The following RHOBTB2 variants were observed in gnomAD, a reference collection of about 807,000 sequenced individuals.
The protein encoded by RHOBTB2 is rho-related BTB domain-containing protein 2.
In RHOBTB2, 39 loss-of-function variants were observed where a neutral mutation model predicts 66.5. The observed-to-expected ratio is 0.59, with a 90% CI of 0.45 to 0.77. The LOEUF is 0.77. Among genes scored for constraint, RHOBTB2 ranks in the 30% least tolerant of loss-of-function variants. The pLI is 0.00. For missense variants in RHOBTB2, 755 were observed against 999.1 expected, an observed-to-expected ratio of 0.76 and a Z score of 3.29; for synonymous variants, 390 against 395.0, an observed-to-expected ratio of 0.99 and a Z score of 0.15.
chr8:22,977,152 T>G, the RHOBTB2 span, among the ~76,000 whole-genome samples: 2 of 152,096 alleles, frequency 1.3e-5, no homozygotes, highest in Non-Finnish European at 2.9e-5. Flanking sequence ...TTCAGCTAAT[T>G]TAGTAATACT....
At chr8:22,974,867 A>G in the RHOBTB2 span, among the ~76,000 whole-genome samples, 479 of 152,168 alleles carry the variant, frequency 3.1e-3, 5 homozygotes, top group African/African-American at 0.011. Context: ...TGCTACACGA[A>G]CTTTAAAGAC....
chr8:23,009,734 G>T (rs558397524), intron 6 of RHOBTB2, among the ~76,000 whole-genome samples: 6 of 152,224 alleles, frequency 3.9e-5, no homozygotes, highest in Non-Finnish European at 8.8e-5. Context: ...CTTAAGGAAG[G>T]CTAAGTGGAA....
chr8:23,019,092 T>G lies in RHOBTB2; in HGVS notation c.*1623T>G, dbSNP rs1261965195. 6.6e-6 allele frequency: 1 copy of G among 152,230 alleles called. No individual in the cohort carries two copies. The highest frequency in any genetic ancestry group is 1.5e-5 in the Non-Finnish European group (1 of 68,108). The allele number at this position is 152,230 out of a possible 1,614,324, so 9.4% of individuals were successfully genotyped here. A position where few individuals can be genotyped will look rare whatever the true frequency, so the allele number is the denominator to read the frequency against. Reference sequence around the variant, plus strand: ...GAGGAGGGGCAGAGCCAGGAGGCAGTGGGGCTGTGGGCTCAGAGCTCAGGA... The same window carrying G: ...GAGGAGGGGCAGAGCCAGGAGGCAGGGGGGCTGTGGGCTCAGAGCTCAGGA... On this transcript the variant is annotated 3_prime_UTR_variant, in exon 10 of 10. Transcript: ENST00000251822.
the RHOBTB2 span, among the ~76,000 whole-genome samples, chr8:22,963,231 C>G: frequency 6.6e-6 from 1 of 152,180 alleles, no homozygotes; most frequent in Admixed American, 6.5e-5. Flanking sequence ...AGGGAGACAA[C>G]TGACTTAAGT....
chr8:23,000,012 G>T lies in RHOBTB2; in HGVS notation c.-104G>T. 1.0e-6 allele frequency: 1 copy of T among 985,626 alleles called. No homozygotes were observed. The highest frequency in any genetic ancestry group is 1.7e-5 in the African/African-American group (1 of 57,378). The allele number at this position is 985,626 out of a possible 1,614,324, so 61.1% of individuals were successfully genotyped here. A position where few individuals can be genotyped will look rare whatever the true frequency, so the allele number is the denominator to read the frequency against. The stretch of plus-strand genomic sequence containing the variant: ...GCCGGCGTCGTCCCAACTTGCAGGC[G>T]CGGAGGGACCCCTGACATTTCACTA... On this transcript the variant is annotated 5_prime_UTR_variant, in exon 1 of 10. Transcript: ENST00000251822.
Position 23,014,754 on chromosome 8 carries a change from C to T in RHOBTB2, c.1836C>T (p.Val612=), listed in dbSNP as rs1382881426. ...TQMMVDIDGD[V]LVFLELAQFH... ...TGATGGTGGACATCGATGGGGACGT[C>T]CTTGTGTTCCTGGAACTGGCTCAGG... Residue 612 remains valine, a synonymous_variant, in exon 8 of 10, where the codon GTC becomes GTT. Transcript: ENST00000251822. 1 of 1,614,092 alleles carries T rather than the reference C, an allele frequency of 6.2e-7. No individual in the cohort carries two copies. The highest frequency in any genetic ancestry group is 1.7e-5 in the Admixed American group (1 of 60,032).
the RHOBTB2 span, among the ~76,000 whole-genome samples, chr8:22,971,097 TCTAAG>T: frequency 1.3e-5 from 2 of 152,154 alleles, no homozygotes; most frequent in Non-Finnish European, 2.9e-5. Context: ...TCCCCTTGAG[TCTAAG>T]CTGAGTTTTC....
At chr8:22,981,842 G>A in the RHOBTB2 span, among the ~76,000 whole-genome samples, 1 of 152,162 alleles carries the variant, frequency 6.6e-6, no homozygotes, top group South Asian at 2.1e-4. Flanking sequence ...GCCTGGCCCT[G>A]AGCCCAGTCA....
intron 9 of RHOBTB2, among the ~76,000 whole-genome samples, chr8:23,016,075 C>T (rs1811283962): frequency 6.6e-6 from 1 of 152,238 alleles, no homozygotes; most frequent in African/African-American, 2.4e-5. Flanking sequence ...ATATATACAT[C>T]TTTCTAATGC....
At chr8:22,970,805 G>A in the RHOBTB2 span, among the ~76,000 whole-genome samples, 11 of 152,018 alleles carry the variant, frequency 7.2e-5, no homozygotes, top group African/African-American at 2.2e-4. Flanking sequence ...CTATGTTCTC[G>A]TTTAATTTCC....
chr8:22,953,736 C>T, the RHOBTB2 span, among the ~76,000 whole-genome samples: 1 of 152,176 alleles, frequency 6.6e-6, no homozygotes, highest in Admixed American at 6.5e-5. Flanking sequence ...ATGGGAGCTC[C>T]GGGAAAGTTC....
chr8:22,997,987 A>G (rs1415561013), upstream of RHOBTB2, among the ~76,000 whole-genome samples: 1 of 152,210 alleles, frequency 6.6e-6, no homozygotes, highest in African/African-American at 2.4e-5. Context: ...TTTCTGGTTT[A>G]TGGAGGGTGA....
At chr8:22,964,784 T>TTTTATTTATTTA in the RHOBTB2 span, among the ~76,000 whole-genome samples, 2 of 144,458 alleles carry the variant, frequency 1.4e-5, no homozygotes, top group East Asian at 2.0e-4. Context: ...ATTAGCTTTA[T>TTTTATTTATTTA]TTTATTTATT....
At chr8:22,979,980 G>A in the RHOBTB2 span, among the ~76,000 whole-genome samples, 4 of 151,910 alleles carry the variant, frequency 2.6e-5, no homozygotes, top group African/African-American at 4.8e-5. Context: ...GGATAGTCTC[G>A]ATCTATTGAC....
chr8:23,015,857 G>A, intron 9 of RHOBTB2, 114 bp downstream of exon 9: 1 of 766,662 alleles, frequency 1.3e-6, no homozygotes. Context: ...CTTGGGGCTG[G>A]GAGCAGCCTG....
Position 23,017,264 on chromosome 8 carries a change from A to G in RHOBTB2, c.1979A>G (p.Tyr660Cys). The G allele has an allele frequency of 1.2e-6, 2 of 1,614,068 alleles. No individual in the cohort carries two copies. The highest frequency in any genetic ancestry group is 4.5e-5 in the East Asian group (2 of 44,858). ...CTCTCTGCTCCAGAAAACCAGGAGT[A>G]TTTCGAGAAGCATCGGTGGCCACCT... ...MKAMSPENQE[Y>C]FEKHRWPPVW... is the part of the protein sequence containing the mutation. Residue 660 changes from tyrosine (Y) to cysteine (C), a missense_variant, in exon 10 of 10, where the codon TAT becomes TGT. Tyr to Cys is a radical substitution (Grantham distance 194, BLOSUM62 -2). Transcript: ENST00000251822. The surrounding 1 kb of genome is among the most constrained non-coding windows in gnomAD (Gnocchi z 5.3).
the RHOBTB2 span, among the ~76,000 whole-genome samples, chr8:22,977,077 A>G: frequency 6.6e-6 from 1 of 152,324 alleles, no homozygotes; most frequent in South Asian, 2.1e-4. Context: ...CAACATAGCA[A>G]GACACCATCT....
the RHOBTB2 span, among the ~76,000 whole-genome samples, chr8:22,957,177 C>T: frequency 6.6e-6 from 1 of 152,174 alleles, no homozygotes; most frequent in South Asian, 2.1e-4. Context: ...GCAGAGGATG[C>T]CACAGAGATG....
chr8:23,008,065 T>C lies in RHOBTB2; in HGVS notation c.1574T>C (p.Met525Thr). The change falls in exon 6 of 10, where the codon ATG becomes ACG. Residue 525 changes from methionine (M) to threonine (T), a missense_variant. By Grantham distance (81) the Met-to-Thr change is moderately conservative. Around this residue, in one of 7 missense-constraint regions of RHOBTB2, gnomAD observed 353 missense variants for 458.2 expected, o/e 0.77. Coordinates refer to ENST00000251822, the MANE Select transcript of RHOBTB2 (RefSeq NM_015178.3). ...CTGTTGATTTCCAGCTGTGACTGGATGGCTGCCATGTTTGGGGGGCCATTT... is the reference window on the plus strand; with the variant it reads ...CTGTTGATTTCCAGCTGTGACTGGACGGCTGCCATGTTTGGGGGGCCATTT... ...KPLLISSCDW[M>T]AAMFGGPFVE... 2 of 1,613,190 alleles carry C rather than the reference T, an allele frequency of 1.2e-6. No homozygotes were observed. Among genetic ancestry groups the C allele is most frequent in the Non-Finnish European group, 1.7e-6 (2 of 1,179,790 alleles).
Sources: gnomAD v4.1 joint callset for allele counts (sites outside exome capture counted in the v4.1 genomes callset) on GRCh38, gnomAD v4.1.1 for gene constraint, gnomAD v4.1.1 regional missense constraint, Gnocchi (gnomAD v3.1) non-coding constraint, MANE v1.5 for transcripts, NCBI Gene and HGNC (gene_info 2026-07-23, HGNC 2026-07-21) for gene names.